Variants in NRG4 observed in about 807,000 individuals in gnomAD.
NRG4 encodes the protein neuregulin 4, also known as pro-neuregulin-4, membrane-bound isoform.
Under a neutral mutation model 15.0 loss-of-function variants are expected in NRG4, and 10 were observed. That is an observed-to-expected ratio of 0.67 (90% CI 0.41 to 1.13). The LOEUF (loss-of-function observed/expected upper bound fraction) is 1.13. NRG4 is among the 50% of genes most tolerant of loss of function. The pLI, the probability that NRG4 is intolerant of heterozygous loss-of-function variation, is 0.00. For missense variants in NRG4, 139 were observed against 140.2 expected (o/e 0.99, Z 0.04); for synonymous variants, 41 against 50.1 (o/e 0.82, Z 0.77).
At chr15:76,029,847 C>T (rs1328049620) in intron 5 of NRG4, among the ~76,000 whole-genome samples, 3 of 152,042 alleles carry the variant, frequency 2.0e-5, no homozygotes, top group Admixed American at 6.6e-5. Context: ...ATCATACTAC[C>T]CAAGGAAACC....
At chr15:75,945,576 C>G (rs981074821) in intron 5 of NRG4, among the ~76,000 whole-genome samples, 1 of 152,030 alleles carries the variant, frequency 6.6e-6, no homozygotes, top group Non-Finnish European at 1.5e-5. Context: ...ATCTACAAAC[C>G]TAACAAACAA....
At chr15:76,053,092 A>C (rs1015637679) in intron 2 of NRG4, 18 of 151,254 alleles carry the variant, frequency 1.2e-4, no homozygotes, top group African/African-American at 4.4e-4. Context: ...TGAAGTAAGC[A>C]CAAGTCTCTC....
At chr15:76,013,244 G>A (rs970374377), upstream of NRG4, among the ~76,000 whole-genome samples, 1 of 152,012 alleles carries the variant, frequency 6.6e-6, no homozygotes, top group African/African-American at 2.4e-5. Flanking sequence ...GGAGAATGGT[G>A]TGAACCCGGG....
Position 75,941,769 on chromosome 15 carries a change from TTTA to T in NRG4, c.*1866_*1868del, listed in dbSNP as rs2030980328. Reference sequence around the variant, plus strand: ...CACAGGGAGCAGGAGGGAATGGGAATTTATTGTTTAAGGGGCACAGAGATTAGT... The same window carrying T: ...CACAGGGAGCAGGAGGGAATGGGAATTTGTTTAAGGGGCACAGAGATTAGT... On this transcript the variant is annotated 3_prime_UTR_variant, in exon 6 of 6. Coordinates refer to ENST00000394907, the MANE Select transcript of NRG4 (RefSeq NM_138573.4). 1 of 152,056 alleles carries T rather than the reference TTTA, an allele frequency of 6.6e-6. No individual in the cohort carries two copies. The highest frequency in any genetic ancestry group is 1.5e-5 in the Non-Finnish European group (1 of 67,980). 9.4% of individuals were successfully genotyped at this position (152,056 alleles called of 1,614,324 possible).
intron 5 of NRG4, among the ~76,000 whole-genome samples, chr15:76,028,927 A>C (rs75093785): frequency 6.6e-6 from 1 of 151,046 alleles, no homozygotes; most frequent in Non-Finnish European, 1.5e-5. Flanking sequence ...AAAAAAAAAA[A>C]CTGTGATAGC....
intron 3 of NRG4, among the ~76,000 whole-genome samples, chr15:75,999,389 C>T (rs979318847): frequency 3.6e-4 from 55 of 152,206 alleles, no homozygotes; most frequent in Non-Finnish European, 2.1e-4. Context: ...CATGAATGGA[C>T]TAGTTCCTTA....
chr15:75,982,802 G>A (rs2141854532), intron 3 of NRG4, among the ~76,000 whole-genome samples: 1 of 152,292 alleles, frequency 6.6e-6, no homozygotes, highest in East Asian at 1.9e-4. Flanking sequence ...AATTCTGGGT[G>A]AGCATGAGCC....
chr15:75,966,782 A>C (rs906095977), intron 3 of NRG4, among the ~76,000 whole-genome samples: 3 of 152,116 alleles, frequency 2.0e-5, no homozygotes, highest in African/African-American at 7.2e-5. Context: ...CAAAAATGAA[A>C]CTATTAGAAA....
At chr15:75,984,745 C>T (rs544249432) in intron 3 of NRG4, among the ~76,000 whole-genome samples, 1 of 152,118 alleles carries the variant, frequency 6.6e-6, no homozygotes, top group Admixed American at 6.5e-5. Context: ...ATGTAACAAA[C>T]CTGCATGTTC....
At chr15:75,986,991 C>T (rs74024039) in intron 3 of NRG4, among the ~76,000 whole-genome samples, 9,199 of 152,182 alleles carry the variant, frequency 0.06, 577 homozygotes, top group African/African-American at 0.17. Flanking sequence ...TGAGTAGAAA[C>T]AGGGAGATCT....
chr15:76,011,287 C>G lies in NRG4; in HGVS notation c.-56-1G>C. The stretch of plus-strand genomic sequence containing the variant: ...AGAGAGTAGGGTTGAAAAACAGTAC[C>G]TAAAACGGTTTAAAAAGTAATAATT... On this transcript the variant is annotated splice_acceptor_variant, in intron 1 of 5. Transcript: ENST00000394907. LOFTEE classifies it low-confidence loss of function (5UTR_SPLICE). 1 of 1,337,088 alleles carries G rather than the reference C, an allele frequency of 7.5e-7. No individual in the cohort carries two copies. Among genetic ancestry groups the G allele is most frequent in the Non-Finnish European group, 9.8e-7 (1 of 1,025,392 alleles). 82.8% of individuals were successfully genotyped at this position (1,337,088 alleles called of 1,614,324 possible).
chr15:75,987,031 A>G (rs74795583), intron 3 of NRG4, among the ~76,000 whole-genome samples: 3,153 of 152,310 alleles, frequency 0.021, 108 homozygotes, highest in African/African-American at 0.071. Context: ...TGAGTGAATT[A>G]CATTACCAAA....
At position 76,025,857 on chromosome 15, in the gene NRG4, A is replaced by C. The variant is rs2035301576; in HGVS notation, c.-57+10087T>G. On this transcript the variant is annotated intron_variant, in intron 5 of 8. Transcript: ENST00000563910. Reference sequence around the variant, plus strand: ...GCATCACTGCACTCCAGCCTGAGTGACAGAGTGAGACTTTGTCTCAAAAAT... The same window carrying C: ...GCATCACTGCACTCCAGCCTGAGTGCCAGAGTGAGACTTTGTCTCAAAAAT... Among the ~76,000 whole-genome samples the C allele has an allele frequency of 3.9e-5, 6 of 152,106 alleles. 1 individual carries two copies. The South Asian group carries it at 1.2e-3, about 31-fold the overall frequency.
intron 5 of NRG4, among the ~76,000 whole-genome samples, chr15:76,034,854 G>A (rs1291939588): frequency 6.6e-6 from 1 of 152,116 alleles, no homozygotes; most frequent in Non-Finnish European, 1.5e-5. Flanking sequence ...CCACCACTGC[G>A]CGTTCAATGC....
At chr15:76,036,896 A>G (rs2035607823) in intron 4 of NRG4, among the ~76,000 whole-genome samples, 1 of 152,160 alleles carries the variant, frequency 6.6e-6, no homozygotes, top group South Asian at 2.1e-4. Flanking sequence ...GAGCAATTAG[A>G]CAGGAAAAAG....
At chr15:76,015,290 G>C (rs1011490365), upstream of NRG4, among the ~76,000 whole-genome samples, 1 of 152,218 alleles carries the variant, frequency 6.6e-6, no homozygotes, top group South Asian at 2.1e-4. Flanking sequence ...TCTGCAAACA[G>C]AGACAATTTG....
At chr15:75,937,668 C>T (rs2030510823), downstream of NRG4, 1 of 152,218 alleles carries the variant, frequency 6.6e-6, no homozygotes, top group African/African-American at 2.4e-5. Flanking sequence ...GAGCCTCTCC[C>T]TACATTGTGG....
intron 4 of NRG4, among the ~76,000 whole-genome samples, chr15:76,051,464 T>G (rs2036014502): frequency 6.6e-6 from 1 of 150,920 alleles, no homozygotes; most frequent in Non-Finnish European, 1.5e-5. Context: ...CTATTCATGT[T>G]ATTTTTAAAT....
At chr15:75,950,754 G>T in intron 5 of NRG4, 1 of 153,630 alleles carries the variant, frequency 6.5e-6, no homozygotes. Context: ...AAACAGGAAT[G>T]CCATGGAATA....
Sources: allele counts gnomAD v4.1 joint callset (sites outside exome capture counted in the v4.1 genomes callset), GRCh38; gene constraint gnomAD v4.1.1; transcripts MANE v1.5; gene names NCBI Gene and HGNC (gene_info 2026-07-23, HGNC 2026-07-21).